SPTAN1: variants seen among roughly 807,000 people sequenced by gnomAD.
SPTAN1 encodes spectrin alpha, non-erythrocytic 1.
Under a neutral mutation model 331.3 loss-of-function variants are expected in SPTAN1, and 61 were observed. The observed-to-expected ratio is 0.18, with a 90% CI of 0.15 to 0.23. SPTAN1 has a LOEUF of 0.23. Ranked by LOEUF, SPTAN1 falls within the 10% of genes least tolerant of loss-of-function variation. The probability of loss-of-function intolerance (pLI) is 1.00; values close to 1 mark genes in which losing one functional copy is unlikely to be tolerated. For missense variants in SPTAN1, 2,043 were observed against 3,147.9 expected, an observed-to-expected ratio of 0.65 and a Z score of 8.40; for synonymous variants, 1,153 against 1,173.9, an observed-to-expected ratio of 0.98 and a Z score of 0.36.
At chr9:128,593,394 G>T in intron 23 of SPTAN1, 1 of 308,596 alleles carries the variant, frequency 3.2e-6, no homozygotes, top group Non-Finnish European at 6.2e-6. Flanking sequence ...CTCTTAAAGT[G>T]CTCTGATTCT....
In SPTAN1 at chr9:128,609,252, G is replaced by A; in HGVS notation, c.4726G>A (p.Asp1576Asn). ...WISEKLQTAS[D>N]ESYKDPTNIQ... The stretch of plus-strand genomic sequence containing the variant: ...CAGTGAAAAATTGCAAACAGCGAGT[G>A]ATGAGTCGTACAAGGATCCCACCAA... Residue 1576 changes from aspartate to asparagine, a missense_variant, in exon 36 of 57, where the codon GAT becomes AAT. Asp to Asn is a conservative substitution (Grantham distance 23). Transcript: ENST00000372739. The A allele has an allele frequency of 6.2e-7, 1 of 1,614,248 alleles. No homozygotes were observed. Among genetic ancestry groups the A allele is most frequent in the Non-Finnish European group, 8.5e-7 (1 of 1,180,052 alleles).
intron 18 of SPTAN1, 103 bp downstream of exon 18, chr9:128,584,946 T>TGGTATTCAGCCCCAGA: frequency 5.1e-6 from 7 of 1,359,280 alleles, no homozygotes; most frequent in Non-Finnish European, 7.3e-6. Flanking sequence ...GCTCTGGGGC[T>TGGTATTCAGCCCCAGA]GAATACCATC....
At chr9:128,588,730 G>A in intron 20 of SPTAN1, 79 bp from the exon 21 acceptor site, 24 of 1,585,138 alleles carry the variant, frequency 1.5e-5, no homozygotes, top group Non-Finnish European at 2.1e-5. Context: ...ACAGCTGGTG[G>A]CATTTGAATC....
intron 36 of SPTAN1, 182 bp downstream of exon 36, chr9:128,609,466 T>G: frequency 9.7e-7 from 1 of 1,031,578 alleles, no homozygotes. Flanking sequence ...AAAGTTGCCT[T>G]CCTCATTTGT....
chr9:128,593,647 TTC>T (rs2131351264), intron 23 of SPTAN1: 1 of 194,790 alleles, frequency 5.1e-6, no homozygotes, highest in East Asian at 1.2e-4. Context: ...TGCCAAAACT[TTC>T]TGAGAGCTGA....
chr9:128,588,765 G>A (rs751759623), intron 20 of SPTAN1, 44 bp from the exon 21 acceptor site: 87 of 1,611,568 alleles, frequency 5.4e-5, no homozygotes, highest in African/African-American at 1.5e-4. Context: ...ATGACTCAGC[G>A]CGGACGTGTT....
Position 128,625,684 on chromosome 9 carries a change from G to T in SPTAN1, c.6070-85G>T. The T allele has an allele frequency of 7.6e-7, 1 of 1,310,900 alleles. No homozygotes were observed. The highest frequency in any genetic ancestry group is 2.3e-5 in the East Asian group (1 of 43,498). The allele number at this position is 1,310,900 out of a possible 1,614,324, so 81.2% of individuals were successfully genotyped here. ...GACAGTTTGGCTTGGGCATCTGGGG[G>T]ACATGCTGGTGCCATCTGAGCCTAG... On this transcript the variant is annotated intron_variant, in intron 47 of 56. Coordinates refer to ENST00000372739, the MANE Select transcript of SPTAN1 (RefSeq NM_001130438.3). This position sits in a 1 kb window ranked among gnomAD's most constrained non-coding sequence, Gnocchi z 4.1.
At position 128,577,607 on chromosome 9, in the gene SPTAN1, C is replaced by G; in HGVS notation, c.1085+101C>G. 6.8e-7 allele frequency: 1 copy of G among 1,478,198 alleles called. No individual in the cohort carries two copies. Among genetic ancestry groups the G allele is most frequent in the Admixed American group, 1.7e-5 (1 of 59,374 alleles). The allele number at this position is 1,478,198 out of a possible 1,614,324, so 91.6% of individuals were successfully genotyped here. A position where few individuals can be genotyped will look rare whatever the true frequency, so the allele number is the denominator to read the frequency against. ...TCTGTTCTGTGTTCTGTGAAAGTGT[C>G]AGGTATCACCTACAAATGCAAATCA... On this transcript the variant is annotated intron_variant, in intron 8 of 56. Coordinates refer to ENST00000372739, the MANE Select transcript of SPTAN1 (RefSeq NM_001130438.3). This position sits in a 1 kb window ranked among gnomAD's most constrained non-coding sequence, Gnocchi z 4.2.
At chr9:128,624,673 C>T (rs1858461805) in intron 46 of SPTAN1, 186 bp downstream of exon 46, 1 of 707,476 alleles carries the variant, frequency 1.4e-6, no homozygotes, top group East Asian at 2.7e-5. Flanking sequence ...GAACTGCCAC[C>T]CGGAACTGGG....
In SPTAN1 at chr9:128,577,125, G is replaced by A. The variant is rs779536006; in HGVS notation, c.786-4G>A. On this transcript the variant is annotated splice_region_variant and splice_polypyrimidine_tract_variant and intron_variant, in intron 6 of 56. Transcript: ENST00000372739. The surrounding 1 kb of genome is among the most constrained non-coding windows in gnomAD (Gnocchi z 4.2). ...GTGGATTAACTGGTGCCTTTGTTCTGTAGGGATGTGGATGAGACTATCAGT... is the reference window on the plus strand; with the variant it reads ...GTGGATTAACTGGTGCCTTTGTTCTATAGGGATGTGGATGAGACTATCAGT... 3.0e-5 allele frequency: 49 copies of A among 1,614,086 alleles called. No individual in the cohort carries two copies. The highest frequency in any genetic ancestry group is 4.2e-5 in the Non-Finnish European group (49 of 1,180,044).
chr9:128,565,154 T>C (rs1849867848), intron 1 of SPTAN1, among the ~76,000 whole-genome samples: 1 of 151,980 alleles, frequency 6.6e-6, no homozygotes, highest in African/African-American at 2.4e-5. Flanking sequence ...AATACAAAAA[T>C]TAGCTGGGCG....
rs12002906 is a variant in SPTAN1, at chr9:128,582,100, A to T, written c.1572+208A>T. On this transcript the variant is annotated intron_variant, in intron 12 of 56. Coordinates refer to ENST00000372739, the MANE Select transcript of SPTAN1 (RefSeq NM_001130438.3). Reference sequence around the variant, plus strand: ...ATGATTTACTTAATGGAAACCTCCAAACTTCTTTAAGTTTGTACCCTTCAT... The same window carrying T: ...ATGATTTACTTAATGGAAACCTCCATACTTCTTTAAGTTTGTACCCTTCAT... Among the ~76,000 whole-genome samples, 2,332 of 152,338 alleles carry T rather than the reference A, an allele frequency of 0.015. 69 individuals carry two copies. The highest frequency in any genetic ancestry group is 0.053 in the African/African-American group (2,195 of 41,576).
In SPTAN1 at chr9:128,588,870, A is replaced by G. The variant is rs1435422831; in HGVS notation, c.2933A>G (p.Tyr978Cys). The G allele has an allele frequency of 6.2e-7, 1 of 1,614,178 alleles. No individual in the cohort carries two copies. The highest frequency in any genetic ancestry group is 1.1e-5 in the South Asian group (1 of 91,080). ...GAGCTGGTCTTGGCTCTCTACGACTATCAGGAGAAGAGTCCCCGAGAGGTC... is the reference window on the plus strand; with the variant it reads ...GAGCTGGTCTTGGCTCTCTACGACTGTCAGGAGAAGAGTCCCCGAGAGGTC... ...GKELVLALYD[Y>C]QEKSPREVTM... Residue 978 changes from tyrosine (Y) to cysteine (C), a missense_variant, in exon 21 of 57, where the codon TAT becomes TGT. Coordinates refer to ENST00000372739, the MANE Select transcript of SPTAN1 (RefSeq NM_001130438.3).
chr9:128,609,588 AT>A, intron 36 of SPTAN1, 62 bp from the exon 37 acceptor site: 1 of 1,361,384 alleles, frequency 7.3e-7, no homozygotes, highest in East Asian at 2.5e-5. Flanking sequence ...TTTCTATTTA[AT>A]AGCTGATATG....
At chr9:128,561,506 A>G (rs1849340366) in intron 1 of SPTAN1, among the ~76,000 whole-genome samples, 1 of 150,030 alleles carries the variant, frequency 6.7e-6, no homozygotes, top group Non-Finnish European at 1.5e-5. Context: ...TGCTAAAAAT[A>G]CAAAAAATTA....
rs370748662 is a variant in SPTAN1 at position 128,591,520 on chromosome 9, C to T, written c.3050C>T (p.Pro1017Leu). 31 of 1,613,920 alleles carry T rather than the reference C, an allele frequency of 1.9e-5. No homozygotes were observed. Among genetic ancestry groups the T allele is most frequent in the Non-Finnish European group, 2.4e-5 (28 of 1,180,012 alleles). Residue 1017 changes from proline to leucine, a missense_variant, in exon 22 of 57, where the codon CCG (proline) becomes CTG (leucine). Physicochemically the swap from Pro to Leu is moderately conservative, Grantham distance 98. This residue lies in a region of SPTAN1 where 1,038 missense variants were observed against 1,531.5 expected (regional missense o/e 0.68). Coordinates refer to ENST00000372739, the MANE Select transcript of SPTAN1 (RefSeq NM_001130438.3). ...VEVNDRQGFV[P>L]AAYVKKLDPA... Reference sequence around the variant, plus strand: ...GTGAACGATCGTCAGGGTTTTGTGCCGGCTGCGTACGTGAAGAAATTGGAC... The same window carrying T: ...GTGAACGATCGTCAGGGTTTTGTGCTGGCTGCGTACGTGAAGAAATTGGAC...
Position 128,612,400 on chromosome 9 carries a change from G to A in SPTAN1, c.5043+154G>A, listed in dbSNP as rs568496894. Among the ~76,000 whole-genome samples the A allele has an allele frequency of 5.3e-5, 8 of 152,300 alleles. No homozygotes were observed. The South Asian group carries it at 1.7e-3, about 32-fold the overall frequency. On this transcript the variant is annotated intron_variant, in intron 39 of 56. Coordinates refer to ENST00000372739, the MANE Select transcript of SPTAN1 (RefSeq NM_001130438.3). ...TATATATGAGTTGCATGCTGTAAGG[G>A]ATTTATGAGCAAAGGGAGTGAATGT...
intron 12 of SPTAN1, 48 bp downstream of exon 12, chr9:128,581,940 C>T: frequency 7.4e-7 from 1 of 1,360,284 alleles, no homozygotes; most frequent in Non-Finnish European, 1.1e-6. Flanking sequence ...TATAGTAAGC[C>T]AGAGTCTTTT....
intron 21 of SPTAN1, among the ~76,000 whole-genome samples, chr9:128,590,458 C>A (rs1853319687): frequency 6.7e-6 from 1 of 148,338 alleles, no homozygotes; most frequent in Admixed American, 6.9e-5. Context: ...AGTCCCAGCA[C>A]TTTGGGAGGC....
Sources: allele counts gnomAD v4.1 joint callset (sites outside exome capture counted in the v4.1 genomes callset), GRCh38; gene constraint gnomAD v4.1.1; regional missense constraint gnomAD v4.1.1; non-coding constraint Gnocchi (gnomAD v3.1); transcripts MANE v1.5; gene names NCBI Gene and HGNC (gene_info 2026-07-23, HGNC 2026-07-21).